JARID2: variants seen among roughly 807,000 people sequenced by gnomAD.
JARID2 encodes jumonji and AT-rich interaction domain containing 2.
JARID2 carries 21 observed loss-of-function variants against 125.6 expected under a neutral mutation model. The ratio of observed to expected loss-of-function variants is 0.17; its 90% CI spans 0.12 to 0.24. The LOEUF (loss-of-function observed/expected upper bound fraction) is 0.24. Among genes scored for constraint, JARID2 ranks in the 10% least tolerant of loss-of-function variants. The pLI is 1.00. For synonymous variants in JARID2, 736 were observed against 661.6 expected, an observed-to-expected ratio of 1.11 and a Z score of -1.73; for missense variants, 1,303 against 1,639.6, an observed-to-expected ratio of 0.79 and a Z score of 3.55.
chr6:15,363,143 T>G (rs1581458290), intron 1 of JARID2, among the ~76,000 whole-genome samples: 1 of 150,676 alleles, frequency 6.6e-6, no homozygotes, highest in African/African-American at 2.4e-5. Flanking sequence ...CAGGGGAGAG[T>G]CCAGTTGCCG....
intron 3 of JARID2, among the ~76,000 whole-genome samples, chr6:15,415,665 C>T (rs1227563403): frequency 6.7e-6 from 1 of 148,282 alleles, no homozygotes; most frequent in Non-Finnish European, 1.5e-5. Flanking sequence ...CACCTCCCTC[C>T]CGGACGGGGT....
chr6:15,430,354 A>G (rs1226910413), intron 3 of JARID2, among the ~76,000 whole-genome samples: 1 of 152,232 alleles, frequency 6.6e-6, no homozygotes, highest in East Asian at 1.9e-4. Context: ...ATGTTAATTC[A>G]TTTCGTTTAC....
intron 5 of JARID2, among the ~76,000 whole-genome samples, chr6:15,476,060 C>G (rs577312675): frequency 6.6e-6 from 1 of 152,110 alleles, no homozygotes; most frequent in Non-Finnish European, 1.5e-5. Context: ...TTTGTATGCT[C>G]GAGCTGTTGA....
intron 3 of JARID2, among the ~76,000 whole-genome samples, chr6:15,416,444 G>T (rs1209827045): frequency 1.3e-5 from 2 of 150,286 alleles, no homozygotes; most frequent in South Asian, 4.2e-4. Context: ...CCGGCACCTC[G>T]GGAGGCCGAG....
rs1158267392 is a variant in JARID2, at chr6:15,443,871, T to C, written c.324-8135T>C. Among the ~76,000 whole-genome samples, 8 of 152,198 alleles carry C rather than the reference T, an allele frequency of 5.3e-5. No homozygotes were observed. In the East Asian group the frequency reaches 1.5e-3, roughly 29 times the overall value. On this transcript the variant is annotated intron_variant, in intron 3 of 17. Transcript: ENST00000341776. ...CTAAACTCAGGTTTTGTGACACCAC[T>C]ACTCTTTTGCTTGTACCACTGACCA...
intron 1 of JARID2, among the ~76,000 whole-genome samples, chr6:15,324,106 G>C (rs1437157188): frequency 6.6e-6 from 1 of 151,354 alleles, no homozygotes; most frequent in African/African-American, 2.4e-5. Flanking sequence ...ATGAACCGGG[G>C]AGGCAGAGCT....
chr6:15,480,339 C>A (rs1769550761), intron 5 of JARID2, among the ~76,000 whole-genome samples: 1 of 152,136 alleles, frequency 6.6e-6, no homozygotes, highest in African/African-American at 2.4e-5. Flanking sequence ...GGAGGTTAGG[C>A]CTTCTGAACT....
intron 2 of JARID2, among the ~76,000 whole-genome samples, chr6:15,391,942 G>A (rs929201802): frequency 1.6e-4 from 25 of 152,118 alleles, no homozygotes; most frequent in African/African-American, 6.0e-4. Context: ...GAATGTGGAG[G>A]GAAGCGAATG....
In JARID2 at chr6:15,251,164, A is replaced by G. The variant is rs183999193; in HGVS notation, c.45+4580A>G. On this transcript the variant is annotated intron_variant, in intron 1 of 17. Coordinates refer to ENST00000341776, the MANE Select transcript of JARID2 (RefSeq NM_004973.4). ...GTAGGTGGGATTACAGGCACCCCCT[A>G]TCATGTCCGGCTAATTTTTGTATTT... 3.8e-3 allele frequency among the ~76,000 whole-genome samples: 571 copies of G among 152,182 alleles called. 3 individuals are homozygous for G. Among genetic ancestry groups the G allele is most frequent in the Middle Eastern group, 3.4e-3 (1 of 294 alleles).
chr6:15,498,584 C>G (rs1770577113), intron 7 of JARID2, among the ~76,000 whole-genome samples: 1 of 152,212 alleles, frequency 6.6e-6, no homozygotes, highest in Admixed American at 6.5e-5. Flanking sequence ...TGGAGATCCT[C>G]AATTTTCAAA....
rs1322179893 is a variant in JARID2, at chr6:15,496,847, A to G, written c.1622A>G (p.Lys541Arg). The change falls in exon 7 of 18, where the codon AAG (lysine) becomes AGG (arginine). Residue 541 changes from lysine (K) to arginine (R), a missense_variant. Transcript: ENST00000341776. ...GTGCACAAGCCGCAGGACTCGGGCA[A>G]GGCCGAGAAGGGCGGCGGCAAGGCC... The part of the protein sequence containing the change: ...ESVHKPQDSG[K>R]AEKGGGKAGW... The G allele has an allele frequency of 6.2e-7, 1 of 1,601,712 alleles. No homozygotes were observed. Among genetic ancestry groups the G allele is most frequent in the Non-Finnish European group, 8.5e-7 (1 of 1,171,794 alleles).
chr6:15,328,415 A>G (rs1311019057), intron 1 of JARID2, among the ~76,000 whole-genome samples: 2 of 152,240 alleles, frequency 1.3e-5, no homozygotes, highest in African/African-American at 4.8e-5. Flanking sequence ...GCAGGTTGCA[A>G]GTTACTGTGC....
At chr6:15,482,803 C>T (rs767104300) in intron 5 of JARID2, among the ~76,000 whole-genome samples, 6 of 152,232 alleles carry the variant, frequency 3.9e-5, no homozygotes, top group Non-Finnish European at 8.8e-5. Flanking sequence ...ACTTTTCATA[C>T]TGTTACATTA....
intron 1 of JARID2, among the ~76,000 whole-genome samples, chr6:15,293,760 G>T (rs981683639): frequency 7.9e-5 from 12 of 152,198 alleles, no homozygotes; most frequent in Non-Finnish European, 1.6e-4. Flanking sequence ...GTGTCTCCCT[G>T]TTTCAGAATC....
chr6:15,316,535 G>A (rs577122241), intron 1 of JARID2, among the ~76,000 whole-genome samples: 1 of 152,114 alleles, frequency 6.6e-6, no homozygotes, highest in East Asian at 1.9e-4. Context: ...ATTTTGGACT[G>A]TTCTTGCTAT....
At chr6:15,417,629 A>T (rs1766291389) in intron 3 of JARID2, among the ~76,000 whole-genome samples, 1 of 152,160 alleles carries the variant, frequency 6.6e-6, no homozygotes, top group African/African-American at 2.4e-5. Context: ...CTGTAGTCCC[A>T]GTTACAGGAG....
At chr6:15,442,568 TTCCCTCCTGGGCTTGGAGTTG>T (rs1468989149) in intron 3 of JARID2, among the ~76,000 whole-genome samples, 1 of 152,232 alleles carries the variant, frequency 6.6e-6, no homozygotes, top group Non-Finnish European at 1.5e-5. Flanking sequence ...TTTGTGGCTC[TTCCCTCCTGGGCTTGGAGTTG>T]TATCCCTCAT....
At chr6:15,429,875 C>T (rs186283470) in intron 3 of JARID2, among the ~76,000 whole-genome samples, 64 of 152,212 alleles carry the variant, frequency 4.2e-4, no homozygotes, top group African/African-American at 1.4e-3. Context: ...CCAAAATGTA[C>T]CGTGTAAATT....
intron 2 of JARID2, 74 bp from the exon 3 acceptor site, chr6:15,410,150 T>TA: frequency 7.4e-7 from 1 of 1,352,652 alleles, no homozygotes; most frequent in Non-Finnish European, 1.0e-6. Flanking sequence ...CAGCGTTGTG[T>TA]AGGGTTAACT....
Sources: allele counts gnomAD v4.1 joint callset (sites outside exome capture counted in the v4.1 genomes callset), GRCh38; gene constraint gnomAD v4.1.1; transcripts MANE v1.5; gene names NCBI Gene and HGNC (gene_info 2026-07-23, HGNC 2026-07-21).